PRR16: variants seen among roughly 807,000 people sequenced by gnomAD.
The protein encoded by PRR16 is proline rich 16.
In PRR16, 6 loss-of-function variants were observed where a neutral mutation model predicts 18.2. That is an observed-to-expected ratio of 0.33 (90% CI 0.18 to 0.65). The LOEUF is 0.65. PRR16 is among the 30% of genes least tolerant of loss of function. The pLI, the probability that PRR16 is intolerant of heterozygous loss-of-function variation, is 0.74. For missense variants in PRR16, 412 were observed against 376.6 expected (o/e 1.09, Z -0.78); for synonymous variants, 151 against 147.8 (o/e 1.02, Z -0.16).
the PRR16 span, among the ~76,000 whole-genome samples, chr5:120,760,192 A>C: frequency 6.6e-6 from 1 of 152,168 alleles, no homozygotes; most frequent in Non-Finnish European, 1.5e-5. Context: ...CTGTTGCAGT[A>C]AATGTACAGA....
At chr5:120,634,401 T>C (rs1175126241) in intron 1 of PRR16, among the ~76,000 whole-genome samples, 1 of 152,168 alleles carries the variant, frequency 6.6e-6, no homozygotes, top group East Asian at 1.9e-4. Flanking sequence ...CCCAGCACTT[T>C]GGGAGGCCAA....
the PRR16 span, among the ~76,000 whole-genome samples, chr5:120,743,406 G>T: frequency 2.0e-5 from 3 of 151,686 alleles, no homozygotes; most frequent in Non-Finnish European, 2.9e-5. Flanking sequence ...TGAAGGTGTG[G>T]GCTGTAGCTT....
At chr5:120,673,512 G>A (rs1480419969) in intron 1 of PRR16, among the ~76,000 whole-genome samples, 1 of 152,142 alleles carries the variant, frequency 6.6e-6, no homozygotes, top group African/African-American at 2.4e-5. Flanking sequence ...CCTGAATCTT[G>A]TGTAATTTTT....
Position 120,513,353 on chromosome 5 carries a change from C to A in PRR16, c.159+48708C>A, listed in dbSNP as rs1369386671. Among the ~76,000 whole-genome samples, 5 of 152,140 alleles carry A rather than the reference C, an allele frequency of 3.3e-5. No individual in the cohort carries two copies. The East Asian group carries it at 9.6e-4, about 29-fold the overall frequency. On this transcript the variant is annotated intron_variant, in intron 1 of 1. Transcript: ENST00000407149. ...CTGCCTCAATTCCTCTGTTTATATC[C>A]TTTCACTGAATTCCTGATGAAGACG...
chr5:120,594,340 C>T (rs527535914), intron 1 of PRR16, among the ~76,000 whole-genome samples: 2 of 152,078 alleles, frequency 1.3e-5, no homozygotes, highest in South Asian at 4.1e-4. Flanking sequence ...AAATCAGGAA[C>T]ACAATTCCAT....
At chr5:120,715,397 C>T in the PRR16 span, among the ~76,000 whole-genome samples, 4 of 152,158 alleles carry the variant, frequency 2.6e-5, no homozygotes, top group Non-Finnish European at 2.9e-5. Context: ...ACTATATAAA[C>T]ACACACATTC....
chr5:120,722,938 C>T, the PRR16 span, among the ~76,000 whole-genome samples: 1 of 151,302 alleles, frequency 6.6e-6, no homozygotes, highest in East Asian at 1.9e-4. Flanking sequence ...TACATCTATA[C>T]TCTCCATATA....
At chr5:120,657,121 G>T (rs1580841827) in intron 1 of PRR16, among the ~76,000 whole-genome samples, 2 of 151,904 alleles carry the variant, frequency 1.3e-5, no homozygotes, top group African/African-American at 4.8e-5. Context: ...AACTTGCTGA[G>T]TTCTTAGTAT....
chr5:120,644,651 G>C (rs1755532771), intron 1 of PRR16, among the ~76,000 whole-genome samples: 1 of 152,044 alleles, frequency 6.6e-6, no homozygotes, highest in Admixed American at 6.6e-5. Flanking sequence ...TTGAGATGAA[G>C]TCCAGCATTA....
Position 120,576,663 on chromosome 5 carries a change from G to A in PRR16, c.160-109291G>A, listed in dbSNP as rs2112746019. On this transcript the variant is annotated intron_variant, in intron 1 of 1. Coordinates refer to ENST00000407149, the MANE Select transcript of PRR16 (RefSeq NM_001300783.2). ...GACTCCTGCCTGGCTGCTTGAGCTG[G>A]GACAGTGGTCTTTTCCTTGAGTAGG... is the stretch of plus-strand genomic sequence containing the variant. Among the ~76,000 whole-genome samples, 3 of 152,214 alleles carry A rather than the reference G, an allele frequency of 2.0e-5. No individual in the cohort carries two copies. In the South Asian group the frequency reaches 6.2e-4, roughly 32 times the overall value.
chr5:120,673,894 A>G (rs1051424922), intron 1 of PRR16, among the ~76,000 whole-genome samples: 3 of 151,932 alleles, frequency 2.0e-5, no homozygotes, highest in Non-Finnish European at 4.4e-5. Context: ...GGCGGTGGCT[A>G]CAGTGAGCCG....
intron 1 of PRR16, among the ~76,000 whole-genome samples, chr5:120,546,209 G>T (rs1346815248): frequency 6.6e-6 from 1 of 152,006 alleles, no homozygotes; most frequent in Admixed American, 6.6e-5. Context: ...CTCACAATCT[G>T]CTGATAATTA....
At chr5:120,652,467 G>T (rs776679482) in intron 1 of PRR16, among the ~76,000 whole-genome samples, 102 of 152,072 alleles carry the variant, frequency 6.7e-4, no homozygotes, top group Non-Finnish European at 1.1e-3. Context: ...GAAGGCAAGT[G>T]GACCAGCTTA....
At chr5:120,704,670 C>G in the PRR16 span, among the ~76,000 whole-genome samples, 3 of 152,098 alleles carry the variant, frequency 2.0e-5, no homozygotes, top group South Asian at 6.2e-4. Flanking sequence ...CCAACCTGGA[C>G]CAATTAAATC....
At chr5:120,517,424 T>TTTGCTTGTA (rs1320428524) in intron 1 of PRR16, among the ~76,000 whole-genome samples, 1 of 152,040 alleles carries the variant, frequency 6.6e-6, no homozygotes, top group Non-Finnish European at 1.5e-5. Flanking sequence ...GCTTGAGACT[T>TTTGCTTGTA]TTGCTTGTAT....
chr5:120,562,868 T>C (rs1752619613), intron 1 of PRR16, among the ~76,000 whole-genome samples: 1 of 152,196 alleles, frequency 6.6e-6, no homozygotes, highest in African/African-American at 2.4e-5. Context: ...ATAGTTATTA[T>C]TTTTTACTGG....
intron 1 of PRR16, among the ~76,000 whole-genome samples, chr5:120,589,305 G>T (rs969209505): frequency 6.6e-6 from 1 of 152,044 alleles, no homozygotes; most frequent in Admixed American, 6.6e-5. Context: ...CACCTCTGCG[G>T]ATGCCACTCT....
chr5:120,678,122 G>A (rs565648259), intron 1 of PRR16, among the ~76,000 whole-genome samples: 15 of 152,176 alleles, frequency 9.9e-5, no homozygotes, highest in African/African-American at 3.4e-4. Flanking sequence ...TGTTAGCCAG[G>A]ATGGTGTCGA....
rs1753330363 is a variant in PRR16, at chr5:120,583,195, A to G, written c.160-102759A>G. Reference sequence around the variant, plus strand: ...TCAGAAGTCATGTAACATTTCTTCCACTGTATCGTATTGGTAGAGGCAGTT... The same window carrying G: ...TCAGAAGTCATGTAACATTTCTTCCGCTGTATCGTATTGGTAGAGGCAGTT... On this transcript the variant is annotated intron_variant, in intron 1 of 1. Transcript: ENST00000407149. 2.6e-5 allele frequency among the ~76,000 whole-genome samples: 4 copies of G among 152,300 alleles called. No homozygotes were observed. In the South Asian group the frequency reaches 6.2e-4, roughly 24 times the overall value.
Sources: allele counts gnomAD v4.1 joint callset (sites outside exome capture counted in the v4.1 genomes callset), GRCh38; gene constraint gnomAD v4.1.1; transcripts MANE v1.5; gene names NCBI Gene and HGNC (gene_info 2026-07-23, HGNC 2026-07-21).